Variants in MARCHF1 observed in about 807,000 individuals in gnomAD.
MARCHF1 encodes E3 ubiquitin-protein ligase MARCHF1.
MARCHF1 carries 40 observed loss-of-function variants against 54.2 expected under a neutral mutation model. The ratio of observed to expected loss-of-function variants is 0.74; its 90% CI spans 0.57 to 0.96. MARCHF1 has a LOEUF of 0.96. MARCHF1 is among the 40% of genes least tolerant of loss of function. MARCHF1 has a pLI of 0.00. For missense variants in MARCHF1, 586 were observed against 656.5 expected, an observed-to-expected ratio of 0.89 and a Z score of 1.17; for synonymous variants, 236 against 236.3, an observed-to-expected ratio of 1.00 and a Z score of 0.01.
intron 4 of MARCHF1, among the ~76,000 whole-genome samples, chr4:163,745,517 C>T (rs868852894): frequency 2.0e-5 from 3 of 152,090 alleles, no homozygotes; most frequent in South Asian, 2.1e-4. Flanking sequence ...GCTGGAGGAG[C>T]GCCAGGGACA....
intron 1 of MARCHF1, among the ~76,000 whole-genome samples, chr4:164,373,890 G>A (rs890845385): frequency 6.6e-6 from 1 of 151,994 alleles, no homozygotes; most frequent in Non-Finnish European, 1.5e-5. Flanking sequence ...AAAAATGGGA[G>A]GTAAAAATGT....
At chr4:164,381,914 TA>T (rs368396817) in intron 1 of MARCHF1, among the ~76,000 whole-genome samples, 3 of 151,776 alleles carry the variant, frequency 2.0e-5, no homozygotes, top group Non-Finnish European at 2.9e-5. Flanking sequence ...AACAATGAAA[TA>T]AAAAAAACTG....
intron 3 of MARCHF1, among the ~76,000 whole-genome samples, chr4:163,983,630 G>A (rs565479064): frequency 6.6e-6 from 1 of 152,138 alleles, no homozygotes; most frequent in Non-Finnish European, 1.5e-5. Context: ...CCTGGTAATA[G>A]AAAGAGCAGT....
intron 5 of MARCHF1, among the ~76,000 whole-genome samples, chr4:163,659,052 T>C (rs1743253208): frequency 6.6e-6 from 1 of 152,024 alleles, no homozygotes; most frequent in African/African-American, 2.4e-5. Context: ...TGTTGTTCTC[T>C]GGATTTTATT....
intron 4 of MARCHF1, among the ~76,000 whole-genome samples, chr4:163,777,171 T>C (rs1220513624): frequency 1.3e-5 from 2 of 152,192 alleles, no homozygotes; most frequent in African/African-American, 2.4e-5. Flanking sequence ...CATGCTAATC[T>C]GCATGATGAT....
At chr4:164,090,287 G>T (rs1316717219) in intron 2 of MARCHF1, among the ~76,000 whole-genome samples, 1 of 151,886 alleles carries the variant, frequency 6.6e-6, no homozygotes, top group Non-Finnish European at 1.5e-5. Context: ...AGCATAAAGG[G>T]ATTCAAACTA....
chr4:163,932,524 C>A, intron 3 of MARCHF1: 1 of 354,594 alleles, frequency 2.8e-6, no homozygotes, highest in Non-Finnish European at 5.6e-6. Context: ...CTGACTCCTG[C>A]CATAGAGAAA....
chr4:164,126,309 C>G (rs760083856), intron 1 of MARCHF1, among the ~76,000 whole-genome samples: 8 of 152,122 alleles, frequency 5.3e-5, no homozygotes, highest in African/African-American at 1.2e-4. Flanking sequence ...TGTCAGGACA[C>G]CGTGAGAGAG....
intron 4 of MARCHF1, among the ~76,000 whole-genome samples, chr4:163,707,333 T>C (rs1177572890): frequency 6.6e-6 from 1 of 152,040 alleles, no homozygotes; most frequent in Non-Finnish European, 1.5e-5. Context: ...TTCTAGAATA[T>C]GCAAACTGCT....
At chr4:164,269,435 T>C (rs1477880404) in intron 1 of MARCHF1, among the ~76,000 whole-genome samples, 1 of 152,070 alleles carries the variant, frequency 6.6e-6, no homozygotes. Flanking sequence ...ATGATGTTTG[T>C]TTCAAAACAG....
intron 4 of MARCHF1, among the ~76,000 whole-genome samples, chr4:163,774,180 A>G (rs1379211380): frequency 2.0e-5 from 3 of 152,196 alleles, no homozygotes; most frequent in Non-Finnish European, 4.4e-5. Context: ...TCATCTCCAG[A>G]TTACTTAAAA....
intron 3 of MARCHF1, among the ~76,000 whole-genome samples, chr4:163,904,313 C>T (rs1553962274): frequency 6.6e-6 from 1 of 152,144 alleles, no homozygotes; most frequent in Non-Finnish European, 1.5e-5. Context: ...CTTGAAGCTT[C>T]CATTAAATTA....
At position 164,234,550 on chromosome 4, in the gene MARCHF1, A is replaced by C. The variant is rs926205832; in HGVS notation, c.-322-122888T>G. 5.1e-4 allele frequency among the ~76,000 whole-genome samples: 77 copies of C among 152,118 alleles called. 3 individuals are homozygous for C. Among genetic ancestry groups the C allele is most frequent in the Non-Finnish European group, 2.9e-5 (2 of 68,014 alleles). On this transcript the variant is annotated intron_variant, in intron 1 of 9. Transcript: ENST00000514618. ...CTACTTGTTCCCTTTTTTCTTTATA[A>C]AATGCATTACTGTAATGCATTTCTA...
intron 2 of MARCHF1, among the ~76,000 whole-genome samples, chr4:164,003,092 T>TGTTA: frequency 6.6e-6 from 1 of 152,000 alleles, no homozygotes; most frequent in East Asian, 1.9e-4. Context: ...GGGTCTTAGA[T>TGTTA]GTTAAATAGC....
chr4:164,347,517 T>C (rs76177086), intron 1 of MARCHF1, among the ~76,000 whole-genome samples: 9,196 of 152,298 alleles, frequency 0.06, 798 homozygotes, highest in East Asian at 0.25. Context: ...TACCTATTTT[T>C]ATTTTCTTTT....
intron 2 of MARCHF1, among the ~76,000 whole-genome samples, chr4:164,076,091 A>G (rs13124326): frequency 6.6e-6 from 1 of 151,840 alleles, no homozygotes; most frequent in East Asian, 1.9e-4. Flanking sequence ...TTGAAAAAAG[A>G]TAACTTTCAT....
intron 5 of MARCHF1, among the ~76,000 whole-genome samples, chr4:163,647,063 G>C (rs1229063354): frequency 1.3e-5 from 2 of 152,028 alleles, no homozygotes; most frequent in Admixed American, 6.6e-5. Flanking sequence ...GAAGGGATGG[G>C]AAAAGATATT....
chr4:164,094,695 C>A (rs150068666), intron 2 of MARCHF1, among the ~76,000 whole-genome samples: 1 of 152,006 alleles, frequency 6.6e-6, no homozygotes, highest in African/African-American at 2.4e-5. Context: ...ATATTCAAAG[C>A]AAACTTCAGG....
At chr4:164,074,114 T>G (rs1754924321) in intron 2 of MARCHF1, among the ~76,000 whole-genome samples, 3 of 152,208 alleles carry the variant, frequency 2.0e-5, no homozygotes, top group Non-Finnish European at 2.9e-5. Context: ...AAGTATTTCA[T>G]TTTGAAAGTA....
Sources: gnomAD v4.1 joint callset for allele counts (sites outside exome capture counted in the v4.1 genomes callset) on GRCh38, gnomAD v4.1.1 for gene constraint, MANE v1.5 for transcripts, NCBI Gene and HGNC (gene_info 2026-07-23, HGNC 2026-07-21) for gene names.